The following FBXO27 variants were observed in gnomAD, a reference collection of about 807,000 sequenced individuals.
The protein encoded by FBXO27 is F-box only protein 27.
FBXO27 carries 28 observed loss-of-function variants against 28.3 expected under a neutral mutation model. That is an observed-to-expected ratio of 0.99 (90% CI 0.73 to 1.36). The LOEUF is 1.36. FBXO27 is among the 40% of genes most tolerant of loss of function. The probability of loss-of-function intolerance (pLI) is 0.00; values close to 1 mark genes in which losing one functional copy is unlikely to be tolerated. For missense variants in FBXO27, 388 were observed against 394.1 expected (o/e 0.98, Z 0.13); for synonymous variants, 175 against 167.3 (o/e 1.05, Z -0.36).
chr19:39,032,543 G>A lies in FBXO27; in HGVS notation c.-67C>T, dbSNP rs918700662. The A allele has an allele frequency of 6.4e-6, 2 of 311,226 alleles. No individual in the cohort carries two copies. Among genetic ancestry groups the A allele is most frequent in the Non-Finnish European group, 1.2e-5 (2 of 169,436 alleles). The allele number at this position is 311,226 out of a possible 1,614,324, so 19.3% of individuals were successfully genotyped here. A position where few individuals can be genotyped will look rare whatever the true frequency, so the allele number is the denominator to read the frequency against. On this transcript the variant is annotated 5_prime_UTR_variant, in exon 1 of 6. Transcript: ENST00000292853. This position sits in a 1 kb window ranked among gnomAD's most constrained non-coding sequence, Gnocchi z 4.7. ...CGCTCCTCGCCGGGATGCCCTAGCT[G>A]TGCCGCAAGCTCCCCACGCCCCTCT...
chr19:39,025,338 G>T lies in FBXO27; in HGVS notation c.*73C>A. On this transcript the variant is annotated 3_prime_UTR_variant, in exon 6 of 6. Coordinates refer to ENST00000292853, the MANE Select transcript of FBXO27 (RefSeq NM_178820.5). ...AGGTACAAGTGCTTGGTTGGTTAAT[G>T]AGGGGTCCCAGCCAATGGTCCCAGG... The T allele has an allele frequency of 6.5e-7, 1 of 1,535,432 alleles. No homozygotes were observed. Among genetic ancestry groups the T allele is most frequent in the South Asian group, 1.2e-5 (1 of 80,760 alleles).
At chr19:39,022,532 C>T (rs185531533), downstream of FBXO27, among the ~76,000 whole-genome samples, 84 of 151,388 alleles carry the variant, frequency 5.5e-4, 1 homozygote, top group Admixed American at 3.8e-3. Flanking sequence ...CTGCAACCTC[C>T]GCCTCCCAGG....
Position 39,006,620 on chromosome 19 carries a change from C to T in FBXO27, c.252+7767G>A, listed in dbSNP as rs76475365. The stretch of plus-strand genomic sequence containing the variant: ...CCCGCTAACCACAGAGATCTATCTT[C>T]GAAAGCCAAGTGGCTTCCTCCTTGT... On this transcript the variant is annotated intron_variant, in intron 2 of 2. Transcript: ENST00000598394. Among the ~76,000 whole-genome samples, 130 of 152,022 alleles carry T rather than the reference C, an allele frequency of 8.6e-4. 6 individuals carry two copies. The East Asian group carries it at 0.015, about 17-fold the overall frequency.
intron 2 of FBXO27, 43 bp downstream of exon 2, chr19:39,031,821 C>CA: frequency 6.9e-7 from 1 of 1,441,042 alleles, no homozygotes; most frequent in Non-Finnish European, 9.0e-7. Flanking sequence ...CTACCGCTCC[C>CA]ACTGTGGCCC....
At chr19:39,008,524 C>G (rs1285281937) in intron 2 of FBXO27, among the ~76,000 whole-genome samples, 2 of 152,096 alleles carry the variant, frequency 1.3e-5, no homozygotes, top group African/African-American at 4.8e-5. Context: ...ATATAAATCA[C>G]TATTTTAGCC....
downstream of FBXO27, among the ~76,000 whole-genome samples, chr19:39,022,000 A>T (rs192334232): frequency 1.3e-3 from 197 of 151,596 alleles, 1 homozygote; most frequent in African/African-American, 4.5e-3. Context: ...CAGCACCCCA[A>T]CCGTCACGTT....
downstream of FBXO27, among the ~76,000 whole-genome samples, chr19:39,022,270 G>T (rs141819317): frequency 6.8e-6 from 1 of 147,862 alleles, no homozygotes. Flanking sequence ...AAGTAGCTGA[G>T]ACTACAGGCA....
chr19:39,030,616 T>TTTTC (rs113961613), intron 4 of FBXO27: 133,632 of 171,644 alleles, frequency 0.78, 52,710 homozygotes, highest in Middle Eastern at 0.86. Context: ...CTTCAGTTTC[T>TTTTC]TTTCTTTCTT....
In FBXO27 at chr19:39,026,957, T is replaced by C. The variant is rs958233569; in HGVS notation, c.621A>G (p.Gln207=). The part of the protein sequence containing the change: ...DSGCMYRLLV[Q]LLDANQTVLD... ...GAACAGTCTGGTTGGCGTCTAGAAG[T>C]TGGACGAGGAGTCTGTACATACAGC... Residue 207 remains glutamine, a synonymous_variant, in exon 5 of 6, where the codon CAA becomes CAG. Coordinates refer to ENST00000292853, the MANE Select transcript of FBXO27 (RefSeq NM_178820.5). 4.3e-6 allele frequency: 7 copies of C among 1,614,062 alleles called. No individual in the cohort carries two copies. Among genetic ancestry groups the C allele is most frequent in the Non-Finnish European group, 5.9e-6 (7 of 1,180,052 alleles).
Position 39,032,245 on chromosome 19 carries a change from C to T in FBXO27, c.-18G>A, listed in dbSNP as rs1203821942. On this transcript the variant is annotated 5_prime_UTR_variant, in exon 2 of 6. Coordinates refer to ENST00000292853, the MANE Select transcript of FBXO27 (RefSeq NM_178820.5). The surrounding 1 kb of genome is among the most constrained non-coding windows in gnomAD (Gnocchi z 4.7). Reference sequence around the variant, plus strand: ...GCGCCCATGGTCCCCCCGCCAGGCCCGGCTGTGGCTGCGGGAGAGGAAGGG... The same window carrying T: ...GCGCCCATGGTCCCCCCGCCAGGCCTGGCTGTGGCTGCGGGAGAGGAAGGG... The T allele has an allele frequency of 1.4e-6, 2 of 1,426,218 alleles. No homozygotes were observed. Among genetic ancestry groups the T allele is most frequent in the South Asian group, 1.5e-5 (1 of 65,806 alleles). 88.3% of individuals were successfully genotyped at this position (1,426,218 alleles called of 1,614,324 possible).
intron 2 of FBXO27, among the ~76,000 whole-genome samples, chr19:39,008,309 G>C (rs556437865): frequency 6.6e-6 from 1 of 150,646 alleles, no homozygotes; most frequent in African/African-American, 2.4e-5. Context: ...ATATAAATGG[G>C]GTCTCACTAT....
chr19:39,013,483 A>G (rs1461527884), intron 2 of FBXO27, among the ~76,000 whole-genome samples: 1 of 151,430 alleles, frequency 6.6e-6, no homozygotes, highest in Admixed American at 6.6e-5. Context: ...TACAAAAATT[A>G]GCCAGGCATG....
intron 2 of FBXO27, among the ~76,000 whole-genome samples, chr19:39,007,905 G>C (rs1475916753): frequency 6.6e-6 from 1 of 152,076 alleles, no homozygotes; most frequent in Non-Finnish European, 1.5e-5. Context: ...GCCTGCCTCG[G>C]CCTCCCAAAG....
At chr19:39,017,397 A>C (rs1314934342) in intron 1 of FBXO27, among the ~76,000 whole-genome samples, 3 of 152,216 alleles carry the variant, frequency 2.0e-5, no homozygotes, top group Admixed American at 2.0e-4. Context: ...TTGATTTTAA[A>C]AAATCATACG....
rs991794113 is a variant in FBXO27 at position 39,026,850 on chromosome 19, A to G, written c.708+20T>C. 8 of 1,613,186 alleles carry G rather than the reference A, an allele frequency of 5.0e-6. No individual in the cohort carries two copies. The highest frequency in any genetic ancestry group is 1.7e-5 in the Admixed American group (1 of 59,684). Reference sequence around the variant, plus strand: ...ATAGGCCCCCAGCATCCTTTCCCCAAACCCCCATAGGAGACTCACGTGAAG... The same window carrying G: ...ATAGGCCCCCAGCATCCTTTCCCCAGACCCCCATAGGAGACTCACGTGAAG... On this transcript the variant is annotated intron_variant, in intron 5 of 5. Coordinates refer to ENST00000292853, the MANE Select transcript of FBXO27 (RefSeq NM_178820.5).
chr19:39,021,964 C>T (rs1162734716), downstream of FBXO27, among the ~76,000 whole-genome samples: 1 of 151,822 alleles, frequency 6.6e-6, no homozygotes, highest in Non-Finnish European at 1.5e-5. Context: ...TCCGGCTATC[C>T]TCAGATTTTT....
At chr19:39,011,852 G>T (rs930357805) in intron 2 of FBXO27, among the ~76,000 whole-genome samples, 1 of 145,876 alleles carries the variant, frequency 6.9e-6, no homozygotes, top group South Asian at 2.1e-4. Context: ...TTTTTAGACG[G>T]AGTCTCTTTC....
rs1600230093 is a variant in FBXO27 at position 39,032,315 on chromosome 19, C to T, written c.-26-62G>A. 7 of 1,368,774 alleles carry T rather than the reference C, an allele frequency of 5.1e-6. No individual in the cohort carries two copies. The East Asian group carries it at 2.2e-4, about 42-fold the overall frequency. 84.8% of individuals were successfully genotyped at this position (1,368,774 alleles called of 1,614,324 possible). A position where few individuals can be genotyped will look rare whatever the true frequency, so the allele number is the denominator to read the frequency against. On this transcript the variant is annotated intron_variant, in intron 1 of 5. Transcript: ENST00000292853. The surrounding 1 kb of genome is among the most constrained non-coding windows in gnomAD (Gnocchi z 4.7). ...CAGCCTCCGCGGCGCGCAGCCTCTG[C>T]CTGCCCTGATTCTGCCAGCCGCACC...
intron 2 of FBXO27, among the ~76,000 whole-genome samples, chr19:39,013,499 G>A (rs560198070): frequency 4.0e-5 from 6 of 151,728 alleles, no homozygotes; most frequent in Non-Finnish European, 7.4e-5. Flanking sequence ...GCATGGTGGC[G>A]TATGCCTGTA....
Sources: gnomAD v4.1 joint callset for allele counts (sites outside exome capture counted in the v4.1 genomes callset) on GRCh38, gnomAD v4.1.1 for gene constraint, Gnocchi (gnomAD v3.1) non-coding constraint, MANE v1.5 for transcripts, NCBI Gene and HGNC (gene_info 2026-07-23, HGNC 2026-07-21) for gene names.